The following BTN2A1 variants were observed in gnomAD, a reference collection of about 807,000 sequenced individuals.
BTN2A1 encodes butyrophilin, subfamily 2, member A1.
In BTN2A1, 41 loss-of-function variants were observed where a neutral mutation model predicts 34.5. The ratio of observed to expected loss-of-function variants is 1.19; its 90% confidence interval spans 0.93 to 1.54. The LOEUF (loss-of-function observed/expected upper bound fraction) is 1.54. BTN2A1 is among the 40% of genes most tolerant of loss of function. BTN2A1 has a pLI of 0.00. For synonymous variants in BTN2A1, 267 were observed against 258.6 expected (o/e 1.03, Z -0.31); for missense variants, 642 against 662.0 (o/e 0.97, Z 0.33).
chr6:26,471,976 A>G (rs958960723), downstream of BTN2A1, among the ~76,000 whole-genome samples: 4 of 152,246 alleles, frequency 2.6e-5, no homozygotes. Flanking sequence ...TTTGTTATTA[A>G]TAACAGTCCT....
At chr6:26,467,685 T>G (rs779168968) in intron 7 of BTN2A1, 12 of 1,560,368 alleles carry the variant, frequency 7.7e-6, no homozygotes, top group Non-Finnish European at 1.0e-5. Flanking sequence ...ATGATTGATT[T>G]TACTTCATTT....
At position 26,467,968 on chromosome 6, in the gene BTN2A1, G is replaced by C. The variant is rs776687626; in HGVS notation, c.1003G>C (p.Asp335His). The C allele has an allele frequency of 1.2e-6, 2 of 1,613,518 alleles. No individual in the cohort carries two copies. Among genetic ancestry groups the C allele is most frequent in the Admixed American group, 3.3e-5 (2 of 59,980 alleles). ...TGCAGTTGATGTGGTCCTGGATCCAGACACCGCTCATCCCGATCTCTTCCT... is the reference window on the plus strand; with the variant it reads ...TGCAGTTGATGTGGTCCTGGATCCACACACCGCTCATCCCGATCTCTTCCT... ...LHAVDVVLDP[D>H]TAHPDLFLSE... Residue 335 changes from aspartate (D) to histidine (H), a missense_variant, in exon 8 of 8, where the codon GAC becomes CAC. Asp to His is a moderately conservative substitution (Grantham distance 81). Coordinates refer to ENST00000312541, the MANE Select transcript of BTN2A1 (RefSeq NM_007049.5).
At chr6:26,465,996 T>C in intron 6 of BTN2A1, 23 bp downstream of exon 6, 2 of 1,614,238 alleles carry the variant, frequency 1.2e-6, no homozygotes, top group African/African-American at 1.3e-5. Flanking sequence ...TTTCCTTAAC[T>C]ACATGTACAA....
chr6:26,459,942 C>CCACAGGGAGATTCCACAGGGA (rs11267390), intron 3 of BTN2A1, 114 bp downstream of exon 3: 755,065 of 960,490 alleles, frequency 0.79, 300,719 homozygotes, highest in East Asian at 0.85. Flanking sequence ...ACTCCCTTTT[C>CCACAGGGAGATTCCACAGGGA]CACTCTCCCT....
At chr6:26,476,340 T>G (rs1302096335) in exon 8 of BTN2A1, 2 of 767,292 alleles carry the variant, frequency 2.6e-6, no homozygotes, top group Non-Finnish European at 4.7e-6. Context: ...CCTGACAGAC[T>G]CACACCAGTA....
rs1763403966 is a variant in BTN2A1, at chr6:26,469,116, G to A, written c.*567G>A. ...GGAGATGATGGCTCATTTCCACCCA[G>A]CCCCAGGATTTCCAGAGCGCACATC... is the stretch of plus-strand genomic sequence containing the variant. On this transcript the variant is annotated 3_prime_UTR_variant, in exon 8 of 8. Coordinates refer to ENST00000312541, the MANE Select transcript of BTN2A1 (RefSeq NM_007049.5). The A allele has an allele frequency of 9.1e-7, 1 of 1,096,610 alleles. No individual in the cohort carries two copies. Among genetic ancestry groups the A allele is most frequent in the Admixed American group, 4.7e-5 (1 of 21,482 alleles). The allele number at this position is 1,096,610 out of a possible 1,614,324, so 67.9% of individuals were successfully genotyped here. A position where few individuals can be genotyped will look rare whatever the true frequency, so the allele number is the denominator to read the frequency against.
downstream of BTN2A1, among the ~76,000 whole-genome samples, chr6:26,473,873 A>G (rs1763492318): frequency 6.6e-6 from 1 of 151,656 alleles, no homozygotes; most frequent in Non-Finnish European, 1.5e-5. Flanking sequence ...ATATCGTTTC[A>G]GTTTTCATTC....
chr6:26,462,112 C>T (rs953625999), intron 3 of BTN2A1, among the ~76,000 whole-genome samples: 3 of 152,088 alleles, frequency 2.0e-5, no homozygotes, highest in African/African-American at 7.2e-5. Context: ...CTTTGGGAGA[C>T]TTTACAAAGG....
intron 3 of BTN2A1, among the ~76,000 whole-genome samples, 177 bp downstream of exon 3, chr6:26,460,005 A>T (rs1763120841): frequency 1.3e-5 from 2 of 151,852 alleles, no homozygotes; most frequent in Admixed American, 1.3e-4. Context: ...GGGACACATG[A>T]GTGGGTTTGC....
intron 3 of BTN2A1, among the ~76,000 whole-genome samples, chr6:26,461,608 C>A (rs909108442): frequency 1.3e-5 from 2 of 152,120 alleles, no homozygotes; most frequent in Non-Finnish European, 2.9e-5. Context: ...CATGGTGAAA[C>A]CCTGTCTTTA....
exon 8 of BTN2A1, chr6:26,476,124 C>T (rs1181640331): frequency 6.5e-7 from 1 of 1,535,982 alleles, no homozygotes; most frequent in Non-Finnish European, 8.7e-7. Flanking sequence ...AGTTGTAGGG[C>T]CAGTTTGAAG....
At chr6:26,460,494 G>C (rs938044250) in intron 3 of BTN2A1, among the ~76,000 whole-genome samples, 2 of 152,104 alleles carry the variant, frequency 1.3e-5, no homozygotes, top group African/African-American at 4.8e-5. Context: ...TACGAATTTT[G>C]CTGGGAGGTA....
At chr6:26,463,936 G>A (rs1332642178) in intron 4 of BTN2A1, among the ~76,000 whole-genome samples, 1 of 152,010 alleles carries the variant, frequency 6.6e-6, no homozygotes, top group Non-Finnish European at 1.5e-5. Context: ...CGAAGGCTAG[G>A]ACTACAGGCA....
chr6:26,459,526 T>C lies in BTN2A1; in HGVS notation c.128T>C (p.Val43Ala), dbSNP rs554426022. The change falls in exon 3 of 8, where the codon GTT becomes GCT. Residue 43 changes from valine to alanine, a missense_variant. Val to Ala is a moderately conservative substitution (Grantham distance 64). Coordinates refer to ENST00000312541, the MANE Select transcript of BTN2A1 (RefSeq NM_007049.5). The stretch of plus-strand genomic sequence containing the variant: ...CCCACTGATCCCATCTTGGCCACGG[T>C]TGGAGAAAACACTACGTTACGCTGC... ...VGPTDPILAT[V>A]GENTTLRCHL... 4.3e-6 allele frequency: 7 copies of C among 1,613,708 alleles called. No homozygotes were observed. The highest frequency in any genetic ancestry group is 3.3e-5 in the Admixed American group (2 of 59,976).
chr6:26,464,759 G>A (rs868566658), intron 4 of BTN2A1, among the ~76,000 whole-genome samples: 10 of 152,314 alleles, frequency 6.6e-5, no homozygotes, highest in Admixed American at 2.6e-4. Flanking sequence ...GGTTTTTAGG[G>A]CGAGTGACGT....
At chr6:26,466,357 A>G (rs1358571465) in intron 7 of BTN2A1, among the ~76,000 whole-genome samples, 1 of 152,212 alleles carries the variant, frequency 6.6e-6, no homozygotes, top group East Asian at 1.9e-4. Context: ...TGTCCCATAT[A>G]TAGTAGCCTT....
rs1763217890 is a variant in BTN2A1, at chr6:26,463,344, G to A, written c.531G>A (p.Val177=). Residue 177 remains valine (V), a synonymous_variant, in exon 4 of 8, where the codon GTG becomes GTA. Coordinates refer to ENST00000312541, the MANE Select transcript of BTN2A1 (RefSeq NM_007049.5). Reference sequence around the variant, plus strand: ...GGTGGTACCCAAAGCCCCTCACAGTGTGGAGGGACCCCTACGGTGGGGTTG... The same window carrying A: ...GGTGGTACCCAAAGCCCCTCACAGTATGGAGGGACCCCTACGGTGGGGTTG... ...SRGWYPKPLT[V]WRDPYGGVAP... 3 of 1,614,044 alleles carry A rather than the reference G, an allele frequency of 1.9e-6. No homozygotes were observed. Among genetic ancestry groups the A allele is most frequent in the Middle Eastern group, 1.6e-4 (1 of 6,062 alleles).
At chr6:26,474,292 A>G (rs1763501848), downstream of BTN2A1, among the ~76,000 whole-genome samples, 2 of 152,132 alleles carry the variant, frequency 1.3e-5, no homozygotes, top group Admixed American at 1.3e-4. Flanking sequence ...ATGTTCAAAT[A>G]AGGCCAACTC....
chr6:26,460,383 G>A (rs1368632881), intron 3 of BTN2A1, among the ~76,000 whole-genome samples: 1 of 151,076 alleles, frequency 6.6e-6, no homozygotes, highest in Non-Finnish European at 1.5e-5. Context: ...AATGCTGATT[G>A]CAGAGAGAGT....
Sources: gnomAD v4.1 joint callset for allele counts (sites outside exome capture counted in the v4.1 genomes callset) on GRCh38, gnomAD v4.1.1 for gene constraint, MANE v1.5 for transcripts, NCBI Gene and HGNC (gene_info 2026-07-23, HGNC 2026-07-21) for gene names.